Variants in ZBTB16 observed in about 807,000 individuals in gnomAD.
ZBTB16 encodes zinc finger and BTB domain-containing protein 16.
ZBTB16 carries 8 observed loss-of-function variants against 56.8 expected under a neutral mutation model. The ratio of observed to expected loss-of-function variants is 0.14; its 90% CI spans 0.08 to 0.25. The LOEUF (loss-of-function observed/expected upper bound fraction) is 0.25. ZBTB16 is among the 10% of genes least tolerant of loss of function. The probability of loss-of-function intolerance (pLI) is 1.00; values close to 1 mark genes in which losing one functional copy is unlikely to be tolerated. For missense variants in ZBTB16, 625 were observed against 903.0 expected, an observed-to-expected ratio of 0.69 and a Z score of 3.95; for synonymous variants, 363 against 368.5, an observed-to-expected ratio of 0.98 and a Z score of 0.17.
chr11:114,111,265 C>G (rs916287870), intron 2 of ZBTB16, among the ~76,000 whole-genome samples: 2 of 152,040 alleles, frequency 1.3e-5, no homozygotes, highest in African/African-American at 4.8e-5. Context: ...CCTAATTACA[C>G]TGTAGTTTCC....
At chr11:114,092,789 G>C (rs1440292069) in intron 2 of ZBTB16, among the ~76,000 whole-genome samples, 1 of 152,084 alleles carries the variant, frequency 6.6e-6, no homozygotes, top group African/African-American at 2.4e-5. Context: ...GACTGGTCAG[G>C]CCATGGTCCT....
At chr11:114,167,216 GTTTTTTTTTTTTTTGGTTTT>G (rs1942783846) in intron 3 of ZBTB16, among the ~76,000 whole-genome samples, 3 of 79,940 alleles carry the variant, frequency 3.8e-5, no homozygotes, top group African/African-American at 1.3e-4. Flanking sequence ...TGGATTTGTG[GTTTTTTTTTTTTTTGGTTTT>G]TTTTTTTTTT....
chr11:114,175,211 A>G (rs1335522657), intron 3 of ZBTB16, among the ~76,000 whole-genome samples: 1 of 152,204 alleles, frequency 6.6e-6, no homozygotes, highest in African/African-American at 2.4e-5. Context: ...CAGAAAGTGG[A>G]GCTCAACAGG....
chr11:114,181,856 A>G (rs893158219), intron 3 of ZBTB16, among the ~76,000 whole-genome samples: 1 of 151,986 alleles, frequency 6.6e-6, no homozygotes, highest in Non-Finnish European at 1.5e-5. Flanking sequence ...CCAGCCCCGC[A>G]TCTCCCACCT....
chr11:114,121,416 TG>T (rs1282950842), intron 2 of ZBTB16, among the ~76,000 whole-genome samples: 1 of 152,010 alleles, frequency 6.6e-6, no homozygotes, highest in Non-Finnish European at 1.5e-5. Context: ...GCCAGTAAGG[TG>T]GGGAGGTCAT....
Position 114,083,231 on chromosome 11 carries a change from A to T in ZBTB16, c.1268+18663A>T, listed in dbSNP as rs530148307. 9.2e-5 allele frequency among the ~76,000 whole-genome samples: 14 copies of T among 152,194 alleles called. No individual in the cohort carries two copies. In the South Asian group the frequency reaches 1.7e-3, roughly 18 times the overall value. Reference sequence around the variant, plus strand: ...TTTTTCTCTTTTCTTTGTCTTTTTTAAAAAAAGAAGTTGAAAGGGGGATAG... The same window carrying T: ...TTTTTCTCTTTTCTTTGTCTTTTTTTAAAAAAGAAGTTGAAAGGGGGATAG... On this transcript the variant is annotated intron_variant, in intron 2 of 6. Coordinates refer to ENST00000335953, the MANE Select transcript of ZBTB16 (RefSeq NM_006006.6).
Position 114,210,192 on chromosome 11 carries a change from T to TGTGTGTGTGTGC in ZBTB16, c.1453+23155_1453+23156insTGTGTGTGTGCG, listed in dbSNP as rs773801156. Among the ~76,000 whole-genome samples the TGTGTGTGTGTGC allele has an allele frequency of 3.5e-3, 496 of 143,322 alleles. 3 individuals are homozygous for TGTGTGTGTGTGC. Among genetic ancestry groups the TGTGTGTGTGTGC allele is most frequent in the Middle Eastern group, 7.2e-3 (2 of 278 alleles). 94.0% of individuals were successfully genotyped at this position (143,322 alleles called of 152,430 possible). ...GTGTGTGTGTGTGTGTGTGTGTGTGTGCGTGCGCGCGCGTGCACAGTTTGT... is the reference window on the plus strand; with the variant it reads ...GTGTGTGTGTGTGTGTGTGTGTGTGTGTGTGTGTGTGCGCGTGCGCGCGCGTGCACAGTTTGT... On this transcript the variant is annotated intron_variant, in intron 4 of 6. Transcript: ENST00000335953.
intron 2 of ZBTB16, among the ~76,000 whole-genome samples, chr11:114,104,724 A>G (rs238924): frequency 0.46 from 70,145 of 152,100 alleles, 16,500 homozygotes; most frequent in African/African-American, 0.55. Context: ...AATAGGAAAC[A>G]TCATTGTAGC....
In ZBTB16 at chr11:114,088,917, G is replaced by GC. The variant is rs537883860; in HGVS notation, c.1268+24356dup. On this transcript the variant is annotated intron_variant, in intron 2 of 6. Coordinates refer to ENST00000335953, the MANE Select transcript of ZBTB16 (RefSeq NM_006006.6). ...GTCTGTGAAGGGAGGTGGCCTGGGG[G>GC]CCCCCCCACACAATGCCTGATTGTG... Among the ~76,000 whole-genome samples the GC allele has an allele frequency of 1.6e-4, 24 of 152,176 alleles. No individual in the cohort carries two copies. In the East Asian group the frequency reaches 1.7e-3, roughly 11 times the overall value.
intron 3 of ZBTB16, among the ~76,000 whole-genome samples, chr11:114,173,441 T>A (rs949224910): frequency 6.6e-6 from 1 of 152,208 alleles, no homozygotes; most frequent in South Asian, 2.1e-4. Context: ...GGGGCCTCTT[T>A]CCCAGCTGTC....
chr11:114,076,247 A>G (rs1939559500), intron 2 of ZBTB16, among the ~76,000 whole-genome samples: 1 of 152,184 alleles, frequency 6.6e-6, no homozygotes, highest in Non-Finnish European at 1.5e-5. Flanking sequence ...CAGTTCAAGG[A>G]AAAATAAAAA....
At chr11:114,062,092 AAC>A (rs1050391511) in intron 1 of ZBTB16, among the ~76,000 whole-genome samples, 24 of 149,728 alleles carry the variant, frequency 1.6e-4, no homozygotes, top group Middle Eastern at 3.6e-3. Context: ...TGTGTGTGTA[AAC>A]ACACACACAC....
chr11:114,171,210 C>T (rs1286147200), intron 3 of ZBTB16, among the ~76,000 whole-genome samples: 1 of 152,238 alleles, frequency 6.6e-6, no homozygotes, highest in African/African-American at 2.4e-5. Context: ...CCGAATGATA[C>T]TCTCTGTCTC....
chr11:114,103,763 A>T (rs1159484295), intron 2 of ZBTB16, among the ~76,000 whole-genome samples: 2 of 152,124 alleles, frequency 1.3e-5, no homozygotes, highest in Non-Finnish European at 2.9e-5. Context: ...TCATGAACTC[A>T]GCCACAGAGC....
In ZBTB16 at chr11:114,064,450, C is replaced by G; in HGVS notation, c.1150C>G (p.Leu384Val). ...LLPQGFIQRE[L>V]FSKLGELAVG... ...GCCCCAGGGCTTCATCCAGAGGGAG[C>G]TGTTCAGCAAGCTGGGGGAGCTGGC... Residue 384 changes from leucine (L) to valine (V), a missense_variant, in exon 2 of 7, where the codon CTG becomes GTG. Physicochemically the swap from Leu to Val is conservative, Grantham distance 32 (BLOSUM62 1). Coordinates refer to ENST00000335953, the MANE Select transcript of ZBTB16 (RefSeq NM_006006.6). The surrounding 1 kb of genome is among the most constrained non-coding windows in gnomAD (Gnocchi z 4.2). 1 of 1,614,152 alleles carries G rather than the reference C, an allele frequency of 6.2e-7. No individual in the cohort carries two copies. Among genetic ancestry groups the G allele is most frequent in the Non-Finnish European group, 8.5e-7 (1 of 1,180,046 alleles).
At chr11:114,083,991 G>A (rs751903579) in intron 2 of ZBTB16, among the ~76,000 whole-genome samples, 24 of 151,926 alleles carry the variant, frequency 1.6e-4, no homozygotes, top group Admixed American at 1.3e-4. Flanking sequence ...ATTATATTTC[G>A]TGACATAACC....
chr11:114,086,140 G>A (rs1939949704), intron 2 of ZBTB16, among the ~76,000 whole-genome samples: 1 of 152,150 alleles, frequency 6.6e-6, no homozygotes, highest in African/African-American at 2.4e-5. Flanking sequence ...TCACACACCT[G>A]TCCTTTTTCA....
intron 5 of ZBTB16, among the ~76,000 whole-genome samples, chr11:114,245,274 G>T (rs1944791340): frequency 2.0e-5 from 3 of 152,210 alleles, no homozygotes; most frequent in Non-Finnish European, 4.4e-5. Flanking sequence ...CCCCAGATCT[G>T]CAGGTGAGGG....
At chr11:114,233,089 A>C in intron 4 of ZBTB16, among the ~76,000 whole-genome samples, 1 of 37,310 alleles carries the variant, frequency 2.7e-5, no homozygotes, top group East Asian at 2.0e-3. Flanking sequence ...GCGCACACAC[A>C]CACACACACA....
Sources: allele counts gnomAD v4.1 joint callset (sites outside exome capture counted in the v4.1 genomes callset), GRCh38; gene constraint gnomAD v4.1.1; non-coding constraint Gnocchi (gnomAD v3.1); transcripts MANE v1.5; gene names NCBI Gene and HGNC (gene_info 2026-07-23, HGNC 2026-07-21).